Variants in SUN1 observed in about 807,000 individuals in gnomAD.
The protein encoded by SUN1 is Sad1 and UNC84 domain containing 1.
A neutral mutation model predicts 103.2 loss-of-function variants in SUN1; 61 were observed. The observed-to-expected ratio is 0.59, with a 90% CI of 0.48 to 0.73. The LOEUF (loss-of-function observed/expected upper bound fraction) is 0.73. SUN1 is among the 30% of genes least tolerant of loss of function. The probability of loss-of-function intolerance (pLI) is 0.00; values close to 1 mark genes in which losing one functional copy is unlikely to be tolerated. For missense variants in SUN1, 1,052 were observed against 1,034.6 expected, an observed-to-expected ratio of 1.02 and a Z score of -0.23; for synonymous variants, 490 against 425.7, an observed-to-expected ratio of 1.15 and a Z score of -1.86.
At chr7:858,119 C>G (rs1585029416) in intron 13 of SUN1, among the ~76,000 whole-genome samples, 162 bp downstream of exon 13, 2 of 152,212 alleles carry the variant, frequency 1.3e-5, no homozygotes, top group South Asian at 2.1e-4. Context: ...GGCGCGATCT[C>G]AGCTCACTGC....
At chr7:853,024 G>C in intron 9 of SUN1, 72 bp downstream of exon 9, 1 of 1,523,838 alleles carries the variant, frequency 6.6e-7, no homozygotes. Context: ...ACACTGCTGT[G>C]AGCCAGGCAC....
intron 13 of SUN1, 87 bp downstream of exon 13, chr7:858,044 A>AT: frequency 7.2e-7 from 1 of 1,388,874 alleles, no homozygotes. Context: ...TAGCTGTTTA[A>AT]TTTTTTATTT....
intron 1 of SUN1, among the ~76,000 whole-genome samples, chr7:825,680 T>C (rs908797352): frequency 1.6e-4 from 24 of 152,248 alleles, no homozygotes; most frequent in African/African-American, 5.8e-4. Context: ...GTTGTTTTTC[T>C]TCCTCTAAAT....
At chr7:831,836 A>C (rs1369870866), upstream of SUN1, 2 of 160,782 alleles carry the variant, frequency 1.2e-5, no homozygotes, top group African/African-American at 2.4e-5. Flanking sequence ...GGACTTTTTG[A>C]AAGTCAGGGT....
intron 5 of SUN1, 31 bp from the exon 6 acceptor site, chr7:851,353 G>C: frequency 2.6e-6 from 4 of 1,554,504 alleles, no homozygotes; most frequent in Non-Finnish European, 3.5e-6. Context: ...CCTGGCGTCT[G>C]TCTGAGGCCA....
At chr7:836,558 C>T (rs887672461) in intron 1 of SUN1, among the ~76,000 whole-genome samples, 1 of 152,140 alleles carries the variant, frequency 6.6e-6, no homozygotes, top group African/African-American at 2.4e-5. Flanking sequence ...AGCTCATGTT[C>T]TGGTTTGAGT....
chr7:872,411 C>T lies in SUN1; in HGVS notation c.2149-59C>T, dbSNP rs1048090831. 6 of 1,417,182 alleles carry T rather than the reference C, an allele frequency of 4.2e-6. No homozygotes were observed. In the Admixed American group the frequency reaches 9.8e-5, roughly 23 times the overall value. The allele number at this position is 1,417,182 out of a possible 1,614,324, so 87.8% of individuals were successfully genotyped here. ...AGTGCTGGCTGTGGAAGGGAACGGT[C>T]CTCTCTGCTCAGTGTTATTTTTCCA... On this transcript the variant is annotated intron_variant, in intron 17 of 18. Coordinates refer to ENST00000401592, the MANE Select transcript of SUN1 (RefSeq NM_001130965.3).
intron 10 of SUN1, 74 bp downstream of exon 10, chr7:853,692 G>A (rs1021265790): frequency 2.3e-5 from 35 of 1,503,176 alleles, no homozygotes; most frequent in African/African-American, 5.5e-5. Context: ...CTCCTTTTGG[G>A]AGACAGAGGG....
rs540711173 is a variant in SUN1 at position 842,991 on chromosome 7, C to A, written c.452-215C>A. 4 of 680,162 alleles carry A rather than the reference C, an allele frequency of 5.9e-6. No individual in the cohort carries two copies. In the Admixed American group the frequency reaches 8.8e-5, roughly 15 times the overall value. The allele number at this position is 680,162 out of a possible 1,614,324, so 42.1% of individuals were successfully genotyped here. A position where few individuals can be genotyped will look rare whatever the true frequency, so the allele number is the denominator to read the frequency against. ...GGCCAGGTGCTGTGTGTGCTGCCGT[C>A]TGTCTGTATTTTCTTCAAGGATAAG... On this transcript the variant is annotated intron_variant, in intron 3 of 18. Coordinates refer to ENST00000401592, the MANE Select transcript of SUN1 (RefSeq NM_001130965.3).
intron 1 of SUN1, among the ~76,000 whole-genome samples, chr7:820,748 A>T (rs1420893417): frequency 6.6e-6 from 1 of 152,204 alleles, no homozygotes. Flanking sequence ...TGTTTTTACT[A>T]TGAAAAGGTG....
At position 853,400 on chromosome 7, in the gene SUN1, C is replaced by T. The variant is rs767030813; in HGVS notation, c.1054-9C>T. On this transcript the variant is annotated splice_polypyrimidine_tract_variant and intron_variant, in intron 9 of 18. Transcript: ENST00000401592. ...ACTACCTGGTTTCATTTCTCTCTTGCCATTTCAGGGTGACAGTGAGGCTTT... is the reference window on the plus strand; with the variant it reads ...ACTACCTGGTTTCATTTCTCTCTTGTCATTTCAGGGTGACAGTGAGGCTTT... 6.2e-7 allele frequency: 1 copy of T among 1,613,084 alleles called. No individual in the cohort carries two copies. The highest frequency in any genetic ancestry group is 8.5e-7 in the Non-Finnish European group (1 of 1,179,982).
chr7:850,286 C>T lies in SUN1; in HGVS notation c.659-1098C>T, dbSNP rs1358780520. 6.9e-6 allele frequency: 3 copies of T among 435,522 alleles called. No homozygotes were observed. In the Admixed American group the frequency reaches 1.2e-4, roughly 17 times the overall value. The allele number at this position is 435,522 out of a possible 1,614,324, so 27.0% of individuals were successfully genotyped here. ...CAATCTTGGCTCACTGCAGCCTCCA[C>T]CTCCAGAGTTCAAGCAATTCTCCTG... On this transcript the variant is annotated intron_variant, in intron 5 of 18. Transcript: ENST00000401592.
intron 5 of SUN1, chr7:850,258 G>A: frequency 1.9e-6 from 1 of 514,488 alleles, no homozygotes; most frequent in East Asian, 3.5e-5. Context: ...GAGTGCAGTG[G>A]TGCAATCTTG....
intron 14 of SUN1, among the ~76,000 whole-genome samples, chr7:861,143 C>T (rs1329758727): frequency 1.3e-5 from 2 of 152,168 alleles, no homozygotes; most frequent in Admixed American, 6.5e-5. Context: ...TTGATGGTGG[C>T]CATGGCTGAG....
chr7:838,574 T>C (rs995137554), intron 1 of SUN1, among the ~76,000 whole-genome samples: 4 of 152,214 alleles, frequency 2.6e-5, no homozygotes, highest in African/African-American at 9.7e-5. Context: ...GAATGTGCTG[T>C]CCTACATCTG....
intron 1 of SUN1, among the ~76,000 whole-genome samples, chr7:836,888 C>T (rs10950689): frequency 0.15 from 22,993 of 152,098 alleles, 1,878 homozygotes; most frequent in South Asian, 0.24. Flanking sequence ...AAGAAAAATG[C>T]AGGGCATTTC....
chr7:831,627 T>A (rs1357829634), upstream of SUN1, among the ~76,000 whole-genome samples: 1 of 152,254 alleles, frequency 6.6e-6, no homozygotes, highest in Non-Finnish European at 1.5e-5. Context: ...GTAGGTGTAG[T>A]ACAATTTTTA....
rs190719257 is a variant in SUN1, at chr7:826,099, G to A, written c.-74+9426G>A. Among the ~76,000 whole-genome samples the A allele has an allele frequency of 1.2e-3, 190 of 152,190 alleles. 1 individual carries two copies. The highest frequency in any genetic ancestry group is 4.6e-3 in the African/African-American group (189 of 41,504). On this transcript the variant is annotated intron_variant, in intron 1 of 17. Coordinates refer to the SUN1 transcript ENST00000389574. ...AAGAAAATAAAAAGATTAACCAGGT[G>A]CCGTGACGCGCCCCTGTGGTCCCAG...
Position 852,879 on chromosome 7 carries a change from A to G in SUN1, c.980A>G (p.His327Arg). The G allele has an allele frequency of 6.2e-7, 1 of 1,614,104 alleles. No homozygotes were observed. The highest frequency in any genetic ancestry group is 8.5e-7 in the Non-Finnish European group (1 of 1,180,008). ...FLPVLNWASM[H>R]RTQRVDDPQD... is the part of the protein sequence containing the mutation. ...CCCGTGTTGAACTGGGCAAGCATGC[A>G]TAGAACACAGCGGGTGGATGACCCC... Residue 327 changes from histidine to arginine, a missense_variant, in exon 9 of 19, where the codon CAT (histidine) becomes CGT (arginine). Physicochemically the swap from His to Arg is conservative, Grantham distance 29. Around this residue, in one of 2 missense-constraint regions of SUN1, gnomAD observed 846 missense variants for 774.5 expected, o/e 1.09. Coordinates refer to ENST00000401592, the MANE Select transcript of SUN1 (RefSeq NM_001130965.3).
Sources: gnomAD v4.1 joint callset for allele counts (sites outside exome capture counted in the v4.1 genomes callset) on GRCh38, gnomAD v4.1.1 for gene constraint, gnomAD v4.1.1 regional missense constraint, MANE v1.5 for transcripts, NCBI Gene and HGNC (gene_info 2026-07-23, HGNC 2026-07-21) for gene names.